The following CERS1 variants were observed in gnomAD, a reference collection of about 807,000 sequenced individuals.
The protein encoded by CERS1 is ceramide synthase 1.
CERS1 carries 16 observed loss-of-function variants against 35.7 expected under a neutral mutation model. The observed-to-expected ratio is 0.45, with a 90% CI of 0.30 to 0.68. CERS1 has a LOEUF of 0.68. CERS1 is among the 30% of genes least tolerant of loss of function. CERS1 has a pLI of 0.08. For synonymous variants in CERS1, 243 were observed against 201.6 expected, an observed-to-expected ratio of 1.21 and a Z score of -1.74; for missense variants, 454 against 453.9, an observed-to-expected ratio of 1.00 and a Z score of 0.00.
At chr19:18,879,120 G>A (rs938217328) in intron 5 of CERS1, 81 bp from the exon 6 acceptor site, 42 of 1,585,386 alleles carry the variant, frequency 2.6e-5, no homozygotes, top group Middle Eastern at 3.3e-4. Flanking sequence ...CTCCTGTCCC[G>A]GGCCCTCCAC....
At chr19:18,877,756 C>CAAAAA (rs386388683) in intron 6 of CERS1, among the ~76,000 whole-genome samples, 2 of 103,946 alleles carry the variant, frequency 1.9e-5, no homozygotes, top group Admixed American at 1.1e-4. Flanking sequence ...GACCCTGTCT[C>CAAAAA]AAAAAAAAAA....
Position 18,878,198 on chromosome 19 carries a change from G to T in CERS1, c.1010+732C>A. The T allele has an allele frequency of 1.0e-6, 1 of 985,494 alleles. No individual in the cohort carries two copies. The highest frequency in any genetic ancestry group is 1.2e-6 in the Non-Finnish European group (1 of 830,054). The allele number at this position is 985,494 out of a possible 1,614,324, so 61.0% of individuals were successfully genotyped here. A position where few individuals can be genotyped will look rare whatever the true frequency, so the allele number is the denominator to read the frequency against. On this transcript the variant is annotated intron_variant, in intron 6 of 7. Transcript: ENST00000623882. This position sits in a 1 kb window ranked among gnomAD's most constrained non-coding sequence, Gnocchi z 4.6. Reference sequence around the variant, plus strand: ...AGGGCCTTCCACAACCTCCTGCCCCGGCTCCTGCTCAAACACTCCTCACGT... The same window carrying T: ...AGGGCCTTCCACAACCTCCTGCCCCTGCTCCTGCTCAAACACTCCTCACGT...
chr19:18,880,203 G>C, intron 4 of CERS1, 71 bp downstream of exon 4: 41 of 1,311,638 alleles, frequency 3.1e-5, no homozygotes, highest in Middle Eastern at 2.9e-4. Flanking sequence ...GCCTGGTCCC[G>C]CCCCTTTTCT....
chr19:18,873,841 G>GAA (rs35266368), intron 6 of CERS1, among the ~76,000 whole-genome samples: 6 of 116,848 alleles, frequency 5.1e-5, no homozygotes, highest in Admixed American at 1.8e-4. Flanking sequence ...ACTCTGTCTC[G>GAA]AAAAAAAAAA....
intron 6 of CERS1, among the ~76,000 whole-genome samples, chr19:18,876,333 T>G (rs1270489311): frequency 6.6e-6 from 1 of 151,594 alleles, no homozygotes; most frequent in Non-Finnish European, 1.5e-5. Flanking sequence ...TAAAATAAAC[T>G]TTTTTGTTTG....
At chr19:18,893,635 G>C in intron 1 of CERS1, 60 bp from the exon 2 acceptor site, 3 of 1,528,854 alleles carry the variant, frequency 2.0e-6, no homozygotes, top group Non-Finnish European at 1.8e-6. Flanking sequence ...CTGCTCCTTT[G>C]GGGTGGGGAA....
intron 2 of CERS1, among the ~76,000 whole-genome samples, chr19:18,886,113 G>A (rs1333757306): frequency 6.7e-6 from 1 of 150,010 alleles, no homozygotes; most frequent in African/African-American, 2.5e-5. Context: ...CAAATTCAAG[G>A]GCTATGCTCT....
Position 18,868,585 on chromosome 19 carries a change from G to A in CERS1, c.*1400C>T. ...CATTTATTGTTGGGCCCGCGTCCCT[G>A]CCCGCCCCGGGTTAGCGGCAGCCGC... On this transcript the variant is annotated 3_prime_UTR_variant, in exon 8 of 8. Transcript: ENST00000623882. The A allele has an allele frequency of 1.3e-6, 2 of 1,545,254 alleles. No homozygotes were observed. Among genetic ancestry groups the A allele is most frequent in the Non-Finnish European group, 1.8e-6 (2 of 1,141,340 alleles).
rs766021529 is a variant in CERS1, at chr19:18,879,283, C to T, written c.858G>A (p.Ala286=). 1.5e-5 allele frequency: 25 copies of T among 1,613,196 alleles called. No individual in the cohort carries two copies. The highest frequency in any genetic ancestry group is 1.6e-4 in the Middle Eastern group (1 of 6,082). The change falls in exon 5 of 8, where the codon GCG becomes GCA. Residue 286 remains alanine (A), a synonymous_variant. Coordinates refer to ENST00000623882, the MANE Select transcript of CERS1 (RefSeq NM_021267.5). ...PDIPFYFFFN[A]LLLLLTLMNL... is the part of the protein sequence containing the mutation. ...TCATAAGGGTGAGCAGCAGCAGGAG[C>T]GCATTGAAGAAGAAGTAGAAGGGGA...
rs2056616748 is a variant in CERS1, at chr19:18,895,969, C to T, written c.104G>A (p.Arg35Gln). ...CCCCCAGCCGCAGTCCGTGCAGCCC[C>T]GCGCCGCCGCCAGCGCGCTGCCCCA... ...RGWGSALAAA[R>Q]GCTDCGWGLA... The change falls in exon 1 of 8, where the codon CGG (arginine) becomes CAG (glutamine). Residue 35 changes from arginine (R) to glutamine (Q), a missense_variant. Coordinates refer to ENST00000623882, the MANE Select transcript of CERS1 (RefSeq NM_021267.5). The surrounding 1 kb of genome is among the most constrained non-coding windows in gnomAD (Gnocchi z 6.4). 9.4e-7 allele frequency: 1 copy of T among 1,065,742 alleles called. No individual in the cohort carries two copies. Among genetic ancestry groups the T allele is most frequent in the Non-Finnish European group, 1.1e-6 (1 of 881,568 alleles). The allele number at this position is 1,065,742 out of a possible 1,614,324, so 66.0% of individuals were successfully genotyped here.
At chr19:18,874,238 G>A (rs1423263959) in intron 6 of CERS1, among the ~76,000 whole-genome samples, 4 of 152,212 alleles carry the variant, frequency 2.6e-5, no homozygotes, top group Non-Finnish European at 4.4e-5. Context: ...GACAGCTGGT[G>A]CCCAGGAACC....
At chr19:18,877,989 G>C in intron 6 of CERS1, 1 of 985,474 alleles carries the variant, frequency 1.0e-6, no homozygotes. Context: ...TCCAAACAGG[G>C]TGGGGGGTCT....
At chr19:18,879,199 G>A (rs1057471357) in intron 5 of CERS1, 42 bp downstream of exon 5, 1 of 1,611,400 alleles carries the variant, frequency 6.2e-7, no homozygotes, top group African/African-American at 1.3e-5. Context: ...ATTGGGACGA[G>A]GACGGGACCG....
chr19:18,894,146 G>A (rs2056566846), intron 1 of CERS1, among the ~76,000 whole-genome samples: 1 of 151,340 alleles, frequency 6.6e-6, no homozygotes, highest in South Asian at 2.1e-4. Context: ...AGAAAAAGGG[G>A]ACAGGAGGCG....
At chr19:18,881,455 T>C (rs1026238168) in intron 3 of CERS1, among the ~76,000 whole-genome samples, 6 of 151,236 alleles carry the variant, frequency 4.0e-5, no homozygotes, top group Admixed American at 3.9e-4. Context: ...CCCAACCTCA[T>C]GTGACCCACC....
intron 1 of CERS1, 109 bp from the exon 2 acceptor site, chr19:18,893,684 G>C: frequency 4.3e-6 from 5 of 1,159,754 alleles, no homozygotes. Flanking sequence ...GCAGCACTGG[G>C]AAGGCCTGTC....
At position 18,878,080 on chromosome 19, in the gene CERS1, G is replaced by C; in HGVS notation, c.1010+850C>G. On this transcript the variant is annotated intron_variant, in intron 6 of 7. Transcript: ENST00000623882. This position sits in a 1 kb window ranked among gnomAD's most constrained non-coding sequence, Gnocchi z 4.6. ...CTCCCGTTCCAAAAAACGTCACGGA[G>C]CTCTGAGCCACTGCTTCCCTGAAAC... The C allele has an allele frequency of 1.0e-6, 1 of 985,536 alleles. No homozygotes were observed. Among genetic ancestry groups the C allele is most frequent in the Non-Finnish European group, 1.2e-6 (1 of 830,002 alleles). 61.0% of individuals were successfully genotyped at this position (985,536 alleles called of 1,614,324 possible).
rs1026938291 is a variant in CERS1, at chr19:18,896,043, C to CGGCCCCGCCGCG, written c.18_29dup (p.Ala7_Pro10dup). The CGGCCCCGCCGCG allele has an allele frequency of 6.1e-6, 6 of 988,574 alleles. No individual in the cohort carries two copies. In the African/African-American group the frequency reaches 7.0e-5, roughly 12 times the overall value. 61.2% of individuals were successfully genotyped at this position (988,574 alleles called of 1,614,324 possible). A position where few individuals can be genotyped will look rare whatever the true frequency, so the allele number is the denominator to read the frequency against. ...AGCTCGGCATGGGCTCGGGCCCCGTCGGCCCCGCCGCGGGCCCCGCCGCCG... is the reference window on the plus strand; with the variant it reads ...AGCTCGGCATGGGCTCGGGCCCCGTCGGCCCCGCCGCGGGCCCCGCCGCGGGCCCCGCCGCCG... On this transcript the variant is annotated inframe_insertion, in exon 1 of 8. Transcript: ENST00000623882. The surrounding 1 kb of genome is among the most constrained non-coding windows in gnomAD (Gnocchi z 5.9).
chr19:18,895,858 G>A lies in CERS1; in HGVS notation c.215C>T (p.Ala72Val). 7.7e-7 allele frequency: 1 copy of A among 1,303,084 alleles called. No homozygotes were observed. The highest frequency in any genetic ancestry group is 1.9e-5 in the South Asian group (1 of 52,378). 80.7% of individuals were successfully genotyped at this position (1,303,084 alleles called of 1,614,324 possible). The change falls in exon 1 of 8, where the codon GCC becomes GTC. Residue 72 changes from alanine to valine, a missense_variant. Coordinates refer to ENST00000623882, the MANE Select transcript of CERS1 (RefSeq NM_021267.5). This position sits in a 1 kb window ranked among gnomAD's most constrained non-coding sequence, Gnocchi z 6.4. ...GCGCGCAGTGGCCGCGGAGCGCAGG[G>A]CGGTCCAGCCCAGCGCGCCGAGCGC... ...LLALGALGWT[A>V]LRSAATARLF... is the part of the protein sequence containing the mutation.
Sources: gnomAD v4.1 joint callset for allele counts (sites outside exome capture counted in the v4.1 genomes callset) on GRCh38, gnomAD v4.1.1 for gene constraint, Gnocchi (gnomAD v3.1) non-coding constraint, MANE v1.5 for transcripts, NCBI Gene and HGNC (gene_info 2026-07-23, HGNC 2026-07-21) for gene names.